The following ITPK1 variants were observed in gnomAD, a reference collection of about 807,000 sequenced individuals.
ITPK1 encodes the protein inositol-tetrakisphosphate 1-kinase, also known as inositol 1,3,4-trisphosphate 5/6-kinase.
ITPK1 carries 21 observed loss-of-function variants against 45.3 expected under a neutral mutation model. That is an observed-to-expected ratio of 0.46 (90% CI 0.33 to 0.67). ITPK1 has a LOEUF of 0.67. ITPK1 is among the 30% of genes least tolerant of loss of function. The probability of loss-of-function intolerance (pLI) is 0.02; values close to 1 mark genes in which losing one functional copy is unlikely to be tolerated. For missense variants in ITPK1, 474 were observed against 573.5 expected (o/e 0.83, Z 1.77); for synonymous variants, 258 against 253.6 (o/e 1.02, Z -0.16).
rs754605112 is a variant in ITPK1, at chr14:92,938,484, C to T, written c.*3077G>A. 3 of 1,612,358 alleles carry T rather than the reference C, an allele frequency of 1.9e-6. No individual in the cohort carries two copies. Among genetic ancestry groups the T allele is most frequent in the Non-Finnish European group, 1.7e-6 (2 of 1,178,492 alleles). On this transcript the variant is annotated 3_prime_UTR_variant, in exon 11 of 11. Transcript: ENST00000267615. ...TCAAACATGTGACAGCTTCCTACTT[C>T]AGTCGGTCTTCCAGCCTTCTATAAA...
rs1048972343 is a variant in ITPK1 at position 92,937,123 on chromosome 14, T to A, written c.*4438A>T. The A allele has an allele frequency of 1.3e-5, 2 of 152,216 alleles. No individual in the cohort carries two copies. The highest frequency in any genetic ancestry group is 2.9e-5 in the Non-Finnish European group (2 of 68,028). The allele number at this position is 152,216 out of a possible 1,614,324, so 9.4% of individuals were successfully genotyped here. ...AGCCACCCGCAGTGTCCTAACCTCA[T>A]GGAGTGAACATGCGACCAGGCGAAT... On this transcript the variant is annotated 3_prime_UTR_variant, in exon 11 of 11. Coordinates refer to ENST00000267615, the MANE Select transcript of ITPK1 (RefSeq NM_014216.6).
chr14:92,973,460 G>A (rs971592944), intron 5 of ITPK1, among the ~76,000 whole-genome samples: 1 of 152,256 alleles, frequency 6.6e-6, no homozygotes, highest in African/African-American at 2.4e-5. Flanking sequence ...GCTGTGGCAG[G>A]ACTGGAAAGA....
chr14:93,090,287 C>G lies in ITPK1; in HGVS notation c.96-13668G>C, dbSNP rs181414883. On this transcript the variant is annotated intron_variant, in intron 2 of 10. Transcript: ENST00000267615. ...CCCATGCTGTCCGCCCCTGGAACGC[C>G]CCCATCCCTGCCTACCATGCACAAC... Among the ~76,000 whole-genome samples, 6 of 152,314 alleles carry G rather than the reference C, an allele frequency of 3.9e-5. No individual in the cohort carries two copies. In the East Asian group the frequency reaches 1.2e-3, roughly 29 times the overall value.
At chr14:93,044,848 G>C (rs942216388) in intron 3 of ITPK1, among the ~76,000 whole-genome samples, 2 of 152,166 alleles carry the variant, frequency 1.3e-5, no homozygotes, top group Non-Finnish European at 2.9e-5. Context: ...AGCGTGGGCC[G>C]CAAGTCAGGG....
chr14:93,024,862 C>A (rs541249232), intron 3 of ITPK1, among the ~76,000 whole-genome samples: 11 of 152,290 alleles, frequency 7.2e-5, no homozygotes, highest in African/African-American at 2.4e-4. Flanking sequence ...CTTCTGCCTT[C>A]ATCAGGAAGG....
chr14:93,046,320 C>T (rs557854091), intron 3 of ITPK1, among the ~76,000 whole-genome samples: 1 of 152,336 alleles, frequency 6.6e-6, no homozygotes, highest in South Asian at 2.1e-4. Flanking sequence ...GAAACTGAGG[C>T]TCAGAGAAAC....
rs369571413 is a variant in ITPK1 at position 93,016,655 on chromosome 14, G to A, written c.246+21C>T. The A allele has an allele frequency of 6.2e-7, 1 of 1,613,144 alleles. No homozygotes were observed. The highest frequency in any genetic ancestry group is 1.7e-4 in the Middle Eastern group (1 of 6,054). On this transcript the variant is annotated intron_variant, in intron 4 of 10. Coordinates refer to ENST00000267615, the MANE Select transcript of ITPK1 (RefSeq NM_014216.6). The surrounding 1 kb of genome is among the most constrained non-coding windows in gnomAD (Gnocchi z 5.0). ...TCCTCCTGAAAATGCCACAGCCAAG[G>A]GCTGCATGGTCCTCACTCACCTGGA...
chr14:93,087,711 C>G (rs889815425), intron 2 of ITPK1, among the ~76,000 whole-genome samples: 2 of 152,194 alleles, frequency 1.3e-5, no homozygotes, highest in African/African-American at 4.8e-5. Context: ...TCTCAGACAT[C>G]GCCTGGAAGC....
At chr14:93,078,464 C>A (rs1891315317) in intron 2 of ITPK1, among the ~76,000 whole-genome samples, 1 of 152,154 alleles carries the variant, frequency 6.6e-6, no homozygotes. Context: ...CCTCAAACCC[C>A]CGACACCTCA....
chr14:92,946,171 G>A (rs951722021), intron 10 of ITPK1, among the ~76,000 whole-genome samples, 160 bp downstream of exon 10: 1 of 152,136 alleles, frequency 6.6e-6, no homozygotes, highest in African/African-American at 2.4e-5. Flanking sequence ...TAAGCCCATC[G>A]CGCAGGTGAG....
intron 4 of ITPK1, among the ~76,000 whole-genome samples, chr14:93,006,688 G>A (rs1038228686): frequency 2.3e-5 from 3 of 128,726 alleles, no homozygotes; most frequent in Non-Finnish European, 3.4e-5. Flanking sequence ...AGGCTCTCTG[G>A]GGGGGAAACT....
intron 3 of ITPK1, among the ~76,000 whole-genome samples, chr14:93,066,920 C>G (rs1326887730): frequency 6.6e-6 from 1 of 152,156 alleles, no homozygotes; most frequent in African/African-American, 2.4e-5. Flanking sequence ...GGTCAAGATG[C>G]CTCCTCCTCA....
intron 3 of ITPK1, among the ~76,000 whole-genome samples, chr14:93,040,705 C>T (rs1372663239): frequency 2.0e-5 from 3 of 152,166 alleles, no homozygotes; most frequent in Admixed American, 2.0e-4. Context: ...CTGCCCAGCA[C>T]TCCCTGAGCA....
intron 2 of ITPK1, among the ~76,000 whole-genome samples, chr14:93,081,535 C>T (rs896766224): frequency 6.6e-6 from 1 of 152,172 alleles, no homozygotes; most frequent in Non-Finnish European, 1.5e-5. Flanking sequence ...AAGCCTGTCC[C>T]CAGAAGTCCA....
At chr14:93,107,642 G>C (rs1239691005) in intron 2 of ITPK1, among the ~76,000 whole-genome samples, 1 of 152,224 alleles carries the variant, frequency 6.6e-6, no homozygotes, top group East Asian at 1.9e-4. Context: ...GCCTGGAGGG[G>C]TGGGGGGATG....
At chr14:93,008,194 C>A (rs914158301) in intron 4 of ITPK1, among the ~76,000 whole-genome samples, 6 of 152,226 alleles carry the variant, frequency 3.9e-5, no homozygotes, top group Non-Finnish European at 5.9e-5. Context: ...GGATCAGTAA[C>A]AAGGACCTCC....
At chr14:93,073,259 G>T (rs1167983236) in intron 3 of ITPK1, among the ~76,000 whole-genome samples, 2 of 152,224 alleles carry the variant, frequency 1.3e-5, no homozygotes, top group East Asian at 3.8e-4. Context: ...CTGACCCCAG[G>T]CGGCCCTGCG....
At chr14:93,005,940 G>A (rs1462845990) in intron 4 of ITPK1, among the ~76,000 whole-genome samples, 7 of 152,132 alleles carry the variant, frequency 4.6e-5, no homozygotes, top group South Asian at 2.1e-4. Flanking sequence ...AGGGCATACC[G>A]TACAGCCCCA....
At chr14:92,985,511 C>T (rs1442582062) in intron 5 of ITPK1, among the ~76,000 whole-genome samples, 1 of 151,298 alleles carries the variant, frequency 6.6e-6, no homozygotes, top group African/African-American at 2.4e-5. Flanking sequence ...AATAAATCTA[C>T]AATACATCAT....
Sources: allele counts gnomAD v4.1 joint callset (sites outside exome capture counted in the v4.1 genomes callset), GRCh38; gene constraint gnomAD v4.1.1; non-coding constraint Gnocchi (gnomAD v3.1); transcripts MANE v1.5; gene names NCBI Gene and HGNC (gene_info 2026-07-23, HGNC 2026-07-21).